FNBP1: variants seen among roughly 807,000 people sequenced by gnomAD.
FNBP1 encodes formin binding protein 1, also known as formin-binding protein 1.
FNBP1 carries 26 observed loss-of-function variants against 90.6 expected under a neutral mutation model. The observed-to-expected ratio is 0.29, with a 90% confidence interval of 0.21 to 0.40. The LOEUF is 0.40. Ranked by LOEUF, FNBP1 falls within the 10% of genes least tolerant of loss-of-function variation. The pLI, the probability that FNBP1 is intolerant of heterozygous loss-of-function variation, is 1.00. For missense variants in FNBP1, 635 were observed against 768.0 expected, an observed-to-expected ratio of 0.83 and a Z score of 2.05; for synonymous variants, 260 against 265.2, an observed-to-expected ratio of 0.98 and a Z score of 0.19.
At chr9:129,911,922 T>C (rs536383428) in intron 11 of FNBP1, among the ~76,000 whole-genome samples, 421 of 131,022 alleles carry the variant, frequency 3.2e-3, no homozygotes, top group Middle Eastern at 0.015. Context: ...ACGGGCGAGA[T>C]TCTGTCTCAA....
At chr9:129,894,528 AC>A (rs556356351) in intron 16 of FNBP1, among the ~76,000 whole-genome samples, 278 of 152,048 alleles carry the variant, frequency 1.8e-3, no homozygotes, top group Admixed American at 3.0e-3. Context: ...ACAAAAGCAA[AC>A]CCCCAAAGTC....
At chr9:129,998,231 C>T (rs1396254619) in intron 1 of FNBP1, among the ~76,000 whole-genome samples, 5 of 146,120 alleles carry the variant, frequency 3.4e-5, no homozygotes, top group African/African-American at 7.6e-5. Flanking sequence ...TGGCCGGGCG[C>T]GGTGGCTCAC....
At chr9:129,981,756 G>C (rs545808568) in intron 2 of FNBP1, among the ~76,000 whole-genome samples, 1 of 152,216 alleles carries the variant, frequency 6.6e-6, no homozygotes, top group African/African-American at 2.4e-5. Flanking sequence ...CGTCAGCAGG[G>C]GTTGGACGAC....
intron 4 of FNBP1, among the ~76,000 whole-genome samples, chr9:129,975,589 A>G (rs1333676742): frequency 6.6e-6 from 1 of 152,098 alleles, no homozygotes; most frequent in Non-Finnish European, 1.5e-5. Flanking sequence ...AAAATATAAA[A>G]CAACTTGACC....
chr9:129,920,414 G>C (rs1204111510), intron 10 of FNBP1, among the ~76,000 whole-genome samples: 2 of 151,986 alleles, frequency 1.3e-5, no homozygotes, highest in Non-Finnish European at 2.9e-5. Context: ...TGATTCTCCT[G>C]CCTCAGCCTC....
intron 3 of FNBP1, 100 bp downstream of exon 3, chr9:129,979,218 G>A (rs941321607): frequency 4.5e-6 from 3 of 665,418 alleles, no homozygotes; most frequent in East Asian, 2.6e-5. Flanking sequence ...AAAATGAATG[G>A]GAAATGCAAC....
Position 129,933,116 on chromosome 9 carries a change from G to A in FNBP1, c.514-3421C>T, listed in dbSNP as rs532334902. The stretch of plus-strand genomic sequence containing the variant: ...CAAGAGCTCAGGAGGTAGTTTCCCC[G>A]TTTATTTTGAAGATTCTATCTAAGT... On this transcript the variant is annotated intron_variant, in intron 6 of 16. Transcript: ENST00000446176. Among the ~76,000 whole-genome samples, 9 of 152,162 alleles carry A rather than the reference G, an allele frequency of 5.9e-5. No individual in the cohort carries two copies. The East Asian group carries it at 7.7e-4, about 13-fold the overall frequency.
chr9:129,958,985 C>A (rs79871293), intron 4 of FNBP1, among the ~76,000 whole-genome samples: 19 of 9,150 alleles, frequency 2.1e-3, no homozygotes, highest in African/African-American at 2.8e-3. Flanking sequence ...AACTCTGCCT[C>A]AAAAAAAAAA....
intron 16 of FNBP1, chr9:129,895,512 CA>C: frequency 8.3e-7 from 1 of 1,198,944 alleles, no homozygotes; most frequent in Admixed American, 4.4e-5. Context: ...TGAGAAGCTA[CA>C]ATGCAACTTT....
In FNBP1 at chr9:129,890,528, G is replaced by A. The variant is rs1703598739; in HGVS notation, c.*11C>T. The A allele has an allele frequency of 1.3e-6, 2 of 1,585,468 alleles. No individual in the cohort carries two copies. Among genetic ancestry groups the A allele is most frequent in the Non-Finnish European group, 1.7e-6 (2 of 1,166,662 alleles). The stretch of plus-strand genomic sequence containing the variant: ...CAGGAAGGCTCACCCGAGGCTCGCA[G>A]GCACTCCCCTCTAGGAATCTACAAC... On this transcript the variant is annotated 3_prime_UTR_variant, in exon 17 of 17. Coordinates refer to ENST00000446176, the MANE Select transcript of FNBP1 (RefSeq NM_015033.3). The surrounding 1 kb of genome is among the most constrained non-coding windows in gnomAD (Gnocchi z 5.8).
At chr9:129,973,793 G>A (rs1218592448) in intron 4 of FNBP1, among the ~76,000 whole-genome samples, 15 of 146,374 alleles carry the variant, frequency 1.0e-4, no homozygotes, top group East Asian at 6.2e-4. Flanking sequence ...ATGAGCCACC[G>A]CGCCTGGCCT....
chr9:130,048,977 T>G, the FNBP1 span, among the ~76,000 whole-genome samples: 41 of 150,208 alleles, frequency 2.7e-4, no homozygotes, highest in African/African-American at 7.6e-4. Flanking sequence ...AGACGGGGTT[T>G]CACCGTGTTA....
At chr9:130,036,812 G>A (rs969916951) in intron 1 of FNBP1, among the ~76,000 whole-genome samples, 11 of 152,148 alleles carry the variant, frequency 7.2e-5, no homozygotes, top group African/African-American at 2.4e-4. Flanking sequence ...TTGGGAGGCC[G>A]AGGCAGGCGG....
At chr9:129,934,700 T>C (rs2043187156) in intron 6 of FNBP1, among the ~76,000 whole-genome samples, 1 of 151,900 alleles carries the variant, frequency 6.6e-6, no homozygotes, top group African/African-American at 2.4e-5. Flanking sequence ...GCCTCCTGAG[T>C]ATATGGGATT....
At chr9:129,929,785 G>C (rs1318609376) in intron 6 of FNBP1, 90 bp from the exon 7 acceptor site, 8 of 1,233,396 alleles carry the variant, frequency 6.5e-6, no homozygotes, top group Non-Finnish European at 8.0e-6. Flanking sequence ...TGCACACTGG[G>C]ATGCCTAGGG....
upstream of FNBP1, among the ~76,000 whole-genome samples, chr9:130,047,857 G>A (rs573426845): frequency 2.6e-5 from 4 of 152,082 alleles, no homozygotes; most frequent in South Asian, 2.1e-4. Context: ...CATCTAATTC[G>A]GGATCTTAGG....
At chr9:129,931,910 A>G (rs2042804986) in intron 6 of FNBP1, among the ~76,000 whole-genome samples, 3 of 151,938 alleles carry the variant, frequency 2.0e-5, no homozygotes, top group Non-Finnish European at 4.4e-5. Context: ...GAGAGAAAGA[A>G]AGGGAAGAAA....
chr9:130,047,912 G>A (rs2060069560), upstream of FNBP1, among the ~76,000 whole-genome samples: 1 of 152,138 alleles, frequency 6.6e-6, no homozygotes, highest in South Asian at 2.1e-4. Flanking sequence ...AGATTTTAAA[G>A]CAGATAGGGT....
At chr9:129,967,237 C>T (rs947858330) in intron 4 of FNBP1, among the ~76,000 whole-genome samples, 9 of 152,076 alleles carry the variant, frequency 5.9e-5, no homozygotes, top group Admixed American at 1.3e-4. Flanking sequence ...GTTTTGGGGC[C>T]GGGAGCGGTG....
Sources: allele counts gnomAD v4.1 joint callset (sites outside exome capture counted in the v4.1 genomes callset), GRCh38; gene constraint gnomAD v4.1.1; non-coding constraint Gnocchi (gnomAD v3.1); transcripts MANE v1.5; gene names NCBI Gene and HGNC (gene_info 2026-07-23, HGNC 2026-07-21).